Variants in CDYL observed in about 807,000 individuals in gnomAD.
CDYL encodes chromodomain Y-like protein.
CDYL carries 8 observed loss-of-function variants against 47.3 expected under a neutral mutation model. The observed-to-expected ratio is 0.17, with a 90% CI of 0.10 to 0.31. CDYL has a LOEUF of 0.31. CDYL is among the 10% of genes least tolerant of loss of function. The probability of loss-of-function intolerance (pLI) is 1.00; values close to 1 mark genes in which losing one functional copy is unlikely to be tolerated. For missense variants in CDYL, 471 were observed against 701.4 expected, an observed-to-expected ratio of 0.67 and a Z score of 3.71; for synonymous variants, 266 against 265.0, an observed-to-expected ratio of 1.00 and a Z score of -0.04.
chr6:4,751,677 A>G (rs951178984), intron 3 of CDYL, among the ~76,000 whole-genome samples: 2 of 152,354 alleles, frequency 1.3e-5, no homozygotes, highest in East Asian at 1.9e-4. Flanking sequence ...TCAAATTCAC[A>G]TGATAAGCTG....
At chr6:4,724,895 T>G (rs547840328) in intron 2 of CDYL, 1 of 152,202 alleles carries the variant, frequency 6.6e-6, no homozygotes, top group Admixed American at 6.5e-5. Flanking sequence ...CGCTGCTGGC[T>G]CGGGCAGCCT....
intron 1 of CDYL, among the ~76,000 whole-genome samples, chr6:4,712,555 G>A (rs1757170610): frequency 6.6e-6 from 1 of 152,220 alleles, no homozygotes; most frequent in African/African-American, 2.4e-5. Flanking sequence ...ACAAGCCGAA[G>A]GACACTTGTG....
intron 1 of CDYL, among the ~76,000 whole-genome samples, chr6:4,865,879 A>G (rs1357182529): frequency 2.0e-5 from 3 of 152,252 alleles, no homozygotes; most frequent in South Asian, 4.1e-4. Context: ...TAACTAGTAG[A>G]TTGATCAGAA....
At position 4,891,979 on chromosome 6, in the gene CDYL, G is replaced by T; in HGVS notation, c.291G>T (p.Lys97Asn). The change falls in exon 2 of 7, where the codon AAG becomes AAT. Residue 97 changes from lysine (K) to asparagine (N), a missense_variant. This residue lies in a region of CDYL where 311 missense variants were observed against 350.0 expected (regional missense o/e 0.89). Transcript: ENST00000397588. ...GCAACTTTTCTAAGACCTCTCCTAAGGCACTCGTGATTGGGAAAGACCACG... is the reference window on the plus strand; with the variant it reads ...GCAACTTTTCTAAGACCTCTCCTAATGCACTCGTGATTGGGAAAGACCACG... ...TNSNFSKTSPKALVIGKDHES... is the reference protein window; with the variant it reads ...TNSNFSKTSPNALVIGKDHES... 3 of 1,614,178 alleles carry T rather than the reference G, an allele frequency of 1.9e-6. No homozygotes were observed. Among genetic ancestry groups the T allele is most frequent in the Non-Finnish European group, 2.5e-6 (3 of 1,180,046 alleles).
intron 2 of CDYL, among the ~76,000 whole-genome samples, chr6:4,900,779 G>GTGTGTA: frequency 2.7e-4 from 14 of 51,718 alleles, no homozygotes; most frequent in East Asian, 6.0e-4. Flanking sequence ...GTATACGTGT[G>GTGTGTA]TATATATATA....
intron 1 of CDYL, among the ~76,000 whole-genome samples, chr6:4,869,918 C>T (rs565446947): frequency 4.6e-5 from 7 of 152,296 alleles, no homozygotes; most frequent in Non-Finnish European, 7.3e-5. Flanking sequence ...CCGTTCTTCC[C>T]ATGGTTTTGC....
chr6:4,951,092 G>A (rs568782528), intron 5 of CDYL, among the ~76,000 whole-genome samples: 1 of 152,216 alleles, frequency 6.6e-6, no homozygotes, highest in East Asian at 1.9e-4. Flanking sequence ...TGCAGTAAAC[G>A]GCATCAAGAC....
rs528950315 is a variant in CDYL at position 4,882,302 on chromosome 6, G to T, written c.25-9411G>T. Among the ~76,000 whole-genome samples, 5 of 152,326 alleles carry T rather than the reference G, an allele frequency of 3.3e-5. No individual in the cohort carries two copies. The South Asian group carries it at 1.0e-3, about 32-fold the overall frequency. ...GGTGAGATTTTAGGAAAATCCATGG[G>T]ATTTGTAGCTGACATGTTGACCAAA... On this transcript the variant is annotated intron_variant, in intron 1 of 6. Coordinates refer to ENST00000397588, the MANE Select transcript of CDYL (RefSeq NM_004824.4).
chr6:4,826,410 T>C (rs2127451306), intron 1 of CDYL, among the ~76,000 whole-genome samples: 1 of 152,320 alleles, frequency 6.6e-6, no homozygotes, highest in South Asian at 2.1e-4. Context: ...TACTTTGCTC[T>C]TCTTTTTCTA....
intron 2 of CDYL, among the ~76,000 whole-genome samples, chr6:4,725,588 G>A (rs866169806): frequency 1.5e-4 from 23 of 152,326 alleles, no homozygotes; most frequent in Middle Eastern, 3.4e-3. Flanking sequence ...CTGCACCTCC[G>A]GGGCTTGCGG....
At chr6:4,715,359 T>A (rs1757234469) in intron 1 of CDYL, among the ~76,000 whole-genome samples, 1 of 152,236 alleles carries the variant, frequency 6.6e-6, no homozygotes, top group Non-Finnish European at 1.5e-5. Context: ...GTCCTTAAGC[T>A]GTAATGCAGA....
chr6:4,757,127 A>C (rs886514132), intron 3 of CDYL, among the ~76,000 whole-genome samples: 2 of 152,182 alleles, frequency 1.3e-5, no homozygotes, highest in African/African-American at 4.8e-5. Context: ...AGTTTGTTGG[A>C]TATTTCTGTA....
At chr6:4,900,828 T>TATATATATACAC (rs1757025805) in intron 2 of CDYL, among the ~76,000 whole-genome samples, 3 of 99,370 alleles carry the variant, frequency 3.0e-5, no homozygotes, top group African/African-American at 1.1e-4. Flanking sequence ...TATATATATA[T>TATATATATACAC]ATCTTGCCTG....
At chr6:4,826,969 TCATGTATTTTGGAG>T (rs1295193143) in intron 1 of CDYL, among the ~76,000 whole-genome samples, 1 of 152,226 alleles carries the variant, frequency 6.6e-6, no homozygotes, top group Non-Finnish European at 1.5e-5. Flanking sequence ...AATATTTGCT[TCATGTATTTTGGAG>T]CACTGTTGTT....
chr6:4,730,674 CA>C (rs56956798), intron 2 of CDYL, among the ~76,000 whole-genome samples: 1,847 of 60,270 alleles, frequency 0.031, 3 homozygotes, highest in Non-Finnish European at 0.038. Context: ...AATTCCATCT[CA>C]AAAAAAAAAA....
intron 1 of CDYL, among the ~76,000 whole-genome samples, chr6:4,882,843 A>G (rs1194230913): frequency 6.6e-6 from 1 of 152,178 alleles, no homozygotes; most frequent in Non-Finnish European, 1.5e-5. Flanking sequence ...ACTGCCCCAG[A>G]TGAGGTTTCC....
intron 5 of CDYL, among the ~76,000 whole-genome samples, chr6:4,947,017 C>T (rs1264505519): frequency 1.3e-5 from 2 of 152,190 alleles, no homozygotes; most frequent in African/African-American, 2.4e-5. Flanking sequence ...AGAGCCCCCA[C>T]GTCAGTGAAT....
intron 1 of CDYL, among the ~76,000 whole-genome samples, chr6:4,834,303 TA>T (rs1334054343): frequency 1.3e-5 from 2 of 150,890 alleles, no homozygotes; most frequent in Non-Finnish European, 3.0e-5. Flanking sequence ...TGCTTGTCTG[TA>T]AAGTATTTTA....
chr6:4,948,908 TGTC>T (rs1330085758), intron 5 of CDYL, among the ~76,000 whole-genome samples: 4 of 152,382 alleles, frequency 2.6e-5, no homozygotes, highest in South Asian at 4.1e-4. Flanking sequence ...ATGTAAATGA[TGTC>T]GTTCCTTTCA....
Sources: allele counts gnomAD v4.1 joint callset (sites outside exome capture counted in the v4.1 genomes callset), GRCh38; gene constraint gnomAD v4.1.1; regional missense constraint gnomAD v4.1.1; transcripts MANE v1.5; gene names NCBI Gene and HGNC (gene_info 2026-07-23, HGNC 2026-07-21).